The following NUP188 variants were observed in gnomAD, a reference collection of about 807,000 sequenced individuals.
NUP188 encodes the protein nucleoporin NUP188.
Under a neutral mutation model 223.0 loss-of-function variants are expected in NUP188, and 97 were observed. The observed-to-expected ratio is 0.43, with a 90% CI of 0.37 to 0.51. NUP188 has a LOEUF of 0.51. Among genes scored for constraint, NUP188 ranks in the 20% least tolerant of loss-of-function variants. The pLI is 0.00. For missense variants in NUP188, 1,947 were observed against 2,175.6 expected, an observed-to-expected ratio of 0.89 and a Z score of 2.09; for synonymous variants, 869 against 828.0, an observed-to-expected ratio of 1.05 and a Z score of -0.85.
rs1246280577 is a variant in NUP188, at chr9:128,988,257, A to G, written c.2533+71A>G. 7 of 1,536,638 alleles carry G rather than the reference A, an allele frequency of 4.6e-6. No individual in the cohort carries two copies. The Admixed American group carries it at 1.1e-4, about 23-fold the overall frequency. Reference sequence around the variant, plus strand: ...CAGTCATTTTTGCTCATAAATACGTATCTTAGGCAGTGTTTTTGGATGTCA... The same window carrying G: ...CAGTCATTTTTGCTCATAAATACGTGTCTTAGGCAGTGTTTTTGGATGTCA... On this transcript the variant is annotated intron_variant, in intron 24 of 43. Transcript: ENST00000372577.
At chr9:128,990,269 GT>G (rs780131848) in intron 25 of NUP188, 43 bp downstream of exon 25, 14 of 1,477,518 alleles carry the variant, frequency 9.5e-6, no homozygotes, top group Admixed American at 3.3e-5. Context: ...ATATGAGGGT[GT>G]TTTTTTCCCC....
At chr9:128,984,037 G>A (rs897639116) in intron 19 of NUP188, among the ~76,000 whole-genome samples, 1 of 151,570 alleles carries the variant, frequency 6.6e-6, no homozygotes, top group African/African-American at 2.4e-5. Context: ...GGTCTGACTC[G>A]TCTGGAACTC....
At chr9:129,003,011 C>T in intron 37 of NUP188, 36 bp downstream of exon 37, 1 of 1,607,728 alleles carries the variant, frequency 6.2e-7, no homozygotes, top group Non-Finnish European at 8.5e-7. Context: ...GTGGGAGTTT[C>T]AGGGTAAAAA....
At position 128,999,782 on chromosome 9, in the gene NUP188, C is replaced by T. The variant is rs199856481; in HGVS notation, c.3820C>T (p.Arg1274Trp). ...GGAGACTGACGACTGTTCTCGGTCCCGGCACAGGGACCAGCGTGATGGGGT... is the reference window on the plus strand; with the variant it reads ...GGAGACTGACGACTGTTCTCGGTCCTGGCACAGGGACCAGCGTGATGGGGT... ...SMETDDCSRS[R>W]HRDQRDGVCV... is the part of the protein sequence containing the mutation. The change falls in exon 34 of 44, where the codon CGG becomes TGG. Residue 1274 changes from arginine to tryptophan, a missense_variant. This residue lies in a region of NUP188 where 905 missense variants were observed against 990.6 expected (regional missense o/e 0.91). Coordinates refer to ENST00000372577, the MANE Select transcript of NUP188 (RefSeq NM_015354.3). 9.4e-5 allele frequency: 152 copies of T among 1,614,066 alleles called. No homozygotes were observed. The highest frequency in any genetic ancestry group is 1.2e-4 in the African/African-American group (9 of 74,934).
intron 15 of NUP188, among the ~76,000 whole-genome samples, chr9:128,982,319 A>T (rs1189115701): frequency 2.6e-5 from 4 of 151,686 alleles, no homozygotes; most frequent in Non-Finnish European, 4.4e-5. Flanking sequence ...AGTCCCAGCT[A>T]CTTGGGAGGC....
intron 29 of NUP188, 127 bp from the exon 30 acceptor site, chr9:128,995,192 G>A: frequency 1.4e-6 from 1 of 721,354 alleles, no homozygotes; most frequent in South Asian, 1.7e-5. Flanking sequence ...ACACGTTGGA[G>A]GTGTCCTGGA....
intron 15 of NUP188, 27 bp downstream of exon 15, chr9:128,981,417 G>T (rs2131165529): frequency 1.3e-6 from 2 of 1,577,288 alleles, no homozygotes; most frequent in South Asian, 2.4e-5. Context: ...CCCCTTTTAT[G>T]ACAGCTTTTT....
chr9:128,984,890 CT>C lies in NUP188; in HGVS notation c.1962-5del. On this transcript the variant is annotated splice_polypyrimidine_tract_variant and intron_variant, in intron 19 of 43. Coordinates refer to ENST00000372577, the MANE Select transcript of NUP188 (RefSeq NM_015354.3). ...CCTATCATTTTTTTTCCCTCTACTTCTTTTTCCAGTGCGGAAGGGATGAATG... is the reference window on the plus strand; with the variant it reads ...CCTATCATTTTTTTTCCCTCTACTTCTTTTCCAGTGCGGAAGGGATGAATG... 1.9e-6 allele frequency: 3 copies of C among 1,574,706 alleles called. No homozygotes were observed. Among genetic ancestry groups the C allele is most frequent in the Non-Finnish European group, 2.6e-6 (3 of 1,157,278 alleles).
chr9:128,993,015 T>C (rs539792863), intron 25 of NUP188, 182 bp from the exon 26 acceptor site: 1 of 598,844 alleles, frequency 1.7e-6, no homozygotes, highest in African/African-American at 1.8e-5. Flanking sequence ...TTACTGTCTT[T>C]CCTGTGAATT....
In NUP188 at chr9:128,962,289, C is replaced by G. The variant is rs568223595; in HGVS notation, c.585+3155C>G. Among the ~76,000 whole-genome samples the G allele has an allele frequency of 9.4e-5, 14 of 149,258 alleles. No individual in the cohort carries two copies. In the South Asian group the frequency reaches 3.0e-3, roughly 32 times the overall value. ...TTTGAGACGGAGTCTCGCTCTGTCA[C>G]CCAGGCTAGAGTGCAGTGGCACGAT... On this transcript the variant is annotated intron_variant, in intron 8 of 43. Coordinates refer to ENST00000372577, the MANE Select transcript of NUP188 (RefSeq NM_015354.3).
intron 3 of NUP188, among the ~76,000 whole-genome samples, 193 bp from the exon 4 acceptor site, chr9:128,956,157 G>A (rs901368453): frequency 1.1e-4 from 17 of 149,978 alleles, no homozygotes; most frequent in African/African-American, 4.0e-4. Flanking sequence ...CCAGTTCTGC[G>A]TTATGAAGTT....
In NUP188 at chr9:128,993,582, C is replaced by A. The variant is rs372054092; in HGVS notation, c.2905C>A (p.Gln969Lys). Residue 969 changes from glutamine (Q) to lysine (K), a missense_variant, in exon 27 of 44, where the codon CAA becomes AAA. Transcript: ENST00000372577. ...LHAVLELIDS[Q>K]QQDRYWCPPL... ...TGCAGTGCTGGAGCTGATTGATTCCCAACAGCAAGATCGATACTGGTGCCC... is the reference window on the plus strand; with the variant it reads ...TGCAGTGCTGGAGCTGATTGATTCCAAACAGCAAGATCGATACTGGTGCCC... The A allele has an allele frequency of 5.1e-5, 83 of 1,614,042 alleles. No homozygotes were observed. The highest frequency in any genetic ancestry group is 6.6e-5 in the Non-Finnish European group (78 of 1,180,036).
chr9:128,960,143 A>T (rs975653115), intron 8 of NUP188, among the ~76,000 whole-genome samples: 3 of 142,896 alleles, frequency 2.1e-5, no homozygotes, highest in African/African-American at 7.9e-5. Flanking sequence ...CACTCACTGC[A>T]GGCTCCACCT....
chr9:129,004,176 G>A (rs1456721779), intron 38 of NUP188, among the ~76,000 whole-genome samples: 6 of 151,584 alleles, frequency 4.0e-5, no homozygotes, highest in Non-Finnish European at 5.9e-5. Flanking sequence ...ACTCAGGATC[G>A]GGAGGCTGAG....
At chr9:128,976,133 G>C (rs1051822761) in intron 12 of NUP188, among the ~76,000 whole-genome samples, 5 of 152,174 alleles carry the variant, frequency 3.3e-5, no homozygotes, top group South Asian at 2.1e-4. Context: ...TCTTTTCTCT[G>C]TTGCTTTCTG....
chr9:129,001,068 G>A (rs550135060), intron 34 of NUP188, among the ~76,000 whole-genome samples: 44 of 152,132 alleles, frequency 2.9e-4, no homozygotes, highest in Admixed American at 3.3e-4. Context: ...CTGGGTCATG[G>A]CCAAAAAGAA....
Position 129,006,109 on chromosome 9 carries a change from G to C in NUP188, c.4929G>C (p.Gly1643=). 6.2e-7 allele frequency: 1 copy of C among 1,614,114 alleles called. No individual in the cohort carries two copies. Among genetic ancestry groups the C allele is most frequent in the African/African-American group, 1.3e-5 (1 of 75,002 alleles). ...TGGGGCTCAGCACACAGGCAGAAGG[G>C]ACCAGGACGTTAAAGTAAGTGCTCT... ...QAVGLSTQAE[G]TRTLKSLLMF... Residue 1643 remains glycine, a synonymous_variant, in exon 42 of 44, where the codon GGG becomes GGC. Transcript: ENST00000372577.
chr9:128,963,559 G>A (rs964243682), intron 8 of NUP188, among the ~76,000 whole-genome samples: 2 of 151,922 alleles, frequency 1.3e-5, no homozygotes, highest in Non-Finnish European at 2.9e-5. Flanking sequence ...TGGCTATACC[G>A]TTTTGCATTC....
chr9:129,005,126 T>G (rs375910881), intron 38 of NUP188, 21 bp from the exon 39 acceptor site: 3 of 1,599,750 alleles, frequency 1.9e-6, no homozygotes, highest in East Asian at 2.2e-5. Context: ...AATCCGCTCA[T>G]CTCTCCTGTG....
Sources: gnomAD v4.1 joint callset for allele counts (sites outside exome capture counted in the v4.1 genomes callset) on GRCh38, gnomAD v4.1.1 for gene constraint, gnomAD v4.1.1 regional missense constraint, MANE v1.5 for transcripts, NCBI Gene and HGNC (gene_info 2026-07-23, HGNC 2026-07-21) for gene names.